Variants in ITPRIP observed in about 807,000 individuals in gnomAD.
ITPRIP encodes inositol 1,4,5-trisphosphate receptor interacting protein.
In ITPRIP, 32 loss-of-function variants were observed where a neutral mutation model predicts 35.8. The observed-to-expected ratio is 0.89, with a 90% CI of 0.68 to 1.20. The LOEUF is 1.20. Among genes scored for constraint, ITPRIP ranks in the 50% most tolerant of loss-of-function variants. ITPRIP has a pLI of 0.00. For synonymous variants in ITPRIP, 358 were observed against 324.0 expected (o/e 1.11, Z -1.13); for missense variants, 653 against 735.6 (o/e 0.89, Z 1.30).
intron 1 of ITPRIP, among the ~76,000 whole-genome samples, chr10:104,330,407 C>T (rs1029113263): frequency 2.0e-5 from 3 of 152,218 alleles, no homozygotes; most frequent in Admixed American, 6.5e-5. Context: ...GCCCTGGAGA[C>T]AGAGACGGTT....
chr10:104,317,548 T>C (rs1478783764), intron 1 of ITPRIP, among the ~76,000 whole-genome samples: 1 of 152,220 alleles, frequency 6.6e-6, no homozygotes, highest in Non-Finnish European at 1.5e-5. Context: ...CTTAACAATC[T>C]GCTATTTCCA....
chr10:104,319,723 C>T lies in ITPRIP; in HGVS notation c.-13-3659G>A, dbSNP rs555571945. On this transcript the variant is annotated intron_variant, in intron 1 of 1. Coordinates refer to ENST00000337478, the MANE Select transcript of ITPRIP (RefSeq NM_001272013.2). ...TTCAGTTTGAAGCCTCTGGTACTTC[C>T]CCTTCCCAAACCCAGTCACAGGAAA... Among the ~76,000 whole-genome samples, 7 of 152,148 alleles carry T rather than the reference C, an allele frequency of 4.6e-5. No individual in the cohort carries two copies. In the South Asian group the frequency reaches 1.5e-3, roughly 32 times the overall value.
rs778615919 is a variant in ITPRIP, at chr10:104,315,821, C to T, written c.231G>A (p.Arg77=). ...EALEQVAEEG[R]QQNETRVAWD... ...AGGCCACGCGTGTCTCGTTCTGCTG[C>T]CTGCCCTCCTCCGCCACCTGCTCCA... Residue 77 remains arginine (R), a synonymous_variant, in exon 2 of 2, where the codon AGG becomes AGA. Transcript: ENST00000337478. This position sits in a 1 kb window ranked among gnomAD's most constrained non-coding sequence, Gnocchi z 5.7. 5.0e-6 allele frequency: 8 copies of T among 1,613,072 alleles called. No individual in the cohort carries two copies. The highest frequency in any genetic ancestry group is 6.8e-6 in the Non-Finnish European group (8 of 1,179,378).
At chr10:104,337,919 T>C (rs1282412292) in intron 1 of ITPRIP, among the ~76,000 whole-genome samples, 1 of 152,166 alleles carries the variant, frequency 6.6e-6, no homozygotes, top group Non-Finnish European at 1.5e-5. Flanking sequence ...AACAAAAATG[T>C]GGTCCCGCTC....
intron 1 of ITPRIP, among the ~76,000 whole-genome samples, chr10:104,319,102 AG>A (rs1375120088): frequency 6.6e-6 from 1 of 152,370 alleles, no homozygotes; most frequent in Non-Finnish European, 1.5e-5. Flanking sequence ...CTGCAAGGAA[AG>A]GGGGCCTGGG....
Position 104,328,919 on chromosome 10 carries a change from C to G in ITPRIP, c.-14+9327G>C, listed in dbSNP as rs2014091064. 1 of 152,192 alleles carries G rather than the reference C, an allele frequency of 6.6e-6. No homozygotes were observed. The highest frequency in any genetic ancestry group is 1.5e-5 in the Non-Finnish European group (1 of 68,100). The allele number at this position is 152,192 out of a possible 1,614,324, so 9.4% of individuals were successfully genotyped here. On this transcript the variant is annotated intron_variant, in intron 1 of 1. Transcript: ENST00000337478. This position sits in a 1 kb window ranked among gnomAD's most constrained non-coding sequence, Gnocchi z 4.1. Reference sequence around the variant, plus strand: ...CCCACACAGTGAAAGAAATCCCAGACTGTTCTTCTACCCGAGTCCCCCTGC... The same window carrying G: ...CCCACACAGTGAAAGAAATCCCAGAGTGTTCTTCTACCCGAGTCCCCCTGC...
chr10:104,318,513 C>T (rs1589888918), intron 1 of ITPRIP, among the ~76,000 whole-genome samples: 1 of 152,278 alleles, frequency 6.6e-6, no homozygotes, highest in Non-Finnish European at 1.5e-5. Flanking sequence ...GTGAGTGGGG[C>T]CACGGCCAAG....
rs2014282634 is a variant in ITPRIP, at chr10:104,338,300, A to G, written c.-68T>C. 1.3e-5 allele frequency: 2 copies of G among 153,118 alleles called. No homozygotes were observed. The highest frequency in any genetic ancestry group is 1.3e-4 in the Admixed American group (2 of 15,310). The allele number at this position is 153,118 out of a possible 1,614,324, so 9.5% of individuals were successfully genotyped here. A position where few individuals can be genotyped will look rare whatever the true frequency, so the allele number is the denominator to read the frequency against. Reference sequence around the variant, plus strand: ...CGCCGCGGGAGGACGGCTCCAGCACAGGCTTTGCGCGCAGGTCGAGGGCCG... The same window carrying G: ...CGCCGCGGGAGGACGGCTCCAGCACGGGCTTTGCGCGCAGGTCGAGGGCCG... On this transcript the variant is annotated 5_prime_UTR_variant, in exon 1 of 2. Transcript: ENST00000337478.
chr10:104,309,780 T>C lies in ITPRIP; in HGVS notation c.*4628A>G, dbSNP rs1371633652. The C allele has an allele frequency of 6.6e-6, 1 of 151,498 alleles. No individual in the cohort carries two copies. Among genetic ancestry groups the C allele is most frequent in the African/African-American group, 2.4e-5 (1 of 41,176 alleles). The allele number at this position is 151,498 out of a possible 1,614,324, so 9.4% of individuals were successfully genotyped here. On this transcript the variant is annotated 3_prime_UTR_variant, in exon 2 of 2. Transcript: ENST00000337478. Reference sequence around the variant, plus strand: ...TACATGTGACACATACACAGAAAAATTTTGGAAGGATACACCAAAAACTTC... The same window carrying C: ...TACATGTGACACATACACAGAAAAACTTTGGAAGGATACACCAAAAACTTC...
At chr10:104,338,017 G>A (rs944446717) in intron 1 of ITPRIP, among the ~76,000 whole-genome samples, 9 of 152,124 alleles carry the variant, frequency 5.9e-5, no homozygotes, top group African/African-American at 1.7e-4. Context: ...CCGACGCGGC[G>A]GGAACAGGAT....
rs755382505 is a variant in ITPRIP at position 104,312,049 on chromosome 10, C to CA, written c.*2358dup. 11 of 152,196 alleles carry CA rather than the reference C, an allele frequency of 7.2e-5. No individual in the cohort carries two copies. The highest frequency in any genetic ancestry group is 1.2e-4 in the African/African-American group (5 of 41,446). 9.4% of individuals were successfully genotyped at this position (152,196 alleles called of 1,614,324 possible). ...AAGGGAGTGAAAGCTTCTGCTTTGT[C>CA]AATAGGAAATCCACCCCCCTGTCCC... On this transcript the variant is annotated 3_prime_UTR_variant, in exon 2 of 2. Transcript: ENST00000337478.
rs775648817 is a variant in ITPRIP at position 104,314,428 on chromosome 10, G to T, written c.1624C>A (p.Gln542Lys). 32 of 1,611,540 alleles carry T rather than the reference G, an allele frequency of 2.0e-5. No homozygotes were observed. The Admixed American group carries it at 5.2e-4, about 26-fold the overall frequency. The change falls in exon 2 of 2, where the codon CAG (glutamine) becomes AAG (lysine). Residue 542 changes from glutamine (Q) to lysine (K), a missense_variant. Gln to Lys is a moderately conservative substitution (Grantham distance 53). Coordinates refer to ENST00000337478, the MANE Select transcript of ITPRIP (RefSeq NM_001272013.2). ...AGACGTCAGCTTTTTGGGGTAGGCT[G>T]GTCTGAGGGGACATGTAGGGAATAC... is the stretch of plus-strand genomic sequence containing the variant. ...SEYSLHVPSD[Q>K]PTPKS
rs72825852 is a variant in ITPRIP at position 104,310,289 on chromosome 10, G to A, written c.*4119C>T. The A allele has an allele frequency of 0.1, 15,475 of 152,208 alleles. 1,103 individuals carry two copies. Among genetic ancestry groups the A allele is most frequent in the Non-Finnish European group, 0.16 (10,566 of 68,034 alleles). The allele number at this position is 152,208 out of a possible 1,614,324, so 9.4% of individuals were successfully genotyped here. On this transcript the variant is annotated 3_prime_UTR_variant, in exon 2 of 2. Coordinates refer to ENST00000337478, the MANE Select transcript of ITPRIP (RefSeq NM_001272013.2). ...CGGGAAGCCGGCCATGTACCCTACA[G>A]CACAGGACATGGATGGCACTGATCA...
At chr10:104,319,364 C>T (rs2013783620) in intron 1 of ITPRIP, among the ~76,000 whole-genome samples, 1 of 152,156 alleles carries the variant, frequency 6.6e-6, no homozygotes, top group Non-Finnish European at 1.5e-5. Context: ...CTGCCTGAGC[C>T]CCAGGCATGG....
intron 1 of ITPRIP, among the ~76,000 whole-genome samples, chr10:104,317,666 C>T (rs1280394750): frequency 6.6e-6 from 1 of 152,216 alleles, no homozygotes; most frequent in Non-Finnish European, 1.5e-5. Context: ...GCTCCTTCTA[C>T]CACCCCCTAG....
intron 1 of ITPRIP, among the ~76,000 whole-genome samples, chr10:104,329,403 A>C (rs2014104076): frequency 6.6e-6 from 1 of 152,184 alleles, no homozygotes; most frequent in African/African-American, 2.4e-5. Context: ...TACGGATTGC[A>C]CAAAACAACC....
In ITPRIP at chr10:104,314,127, C is replaced by G; in HGVS notation, c.*281G>C. Reference sequence around the variant, plus strand: ...CAGGGTCCACAGCGTGTTCTGCCACCATCTTGGCCATTCATGGTGATCCAG... The same window carrying G: ...CAGGGTCCACAGCGTGTTCTGCCACGATCTTGGCCATTCATGGTGATCCAG... On this transcript the variant is annotated 3_prime_UTR_variant, in exon 2 of 2. Transcript: ENST00000337478. 1 of 1,219,918 alleles carries G rather than the reference C, an allele frequency of 8.2e-7. No homozygotes were observed. Among genetic ancestry groups the G allele is most frequent in the Non-Finnish European group, 1.0e-6 (1 of 975,760 alleles). The allele number at this position is 1,219,918 out of a possible 1,614,324, so 75.6% of individuals were successfully genotyped here.
intron 1 of ITPRIP, among the ~76,000 whole-genome samples, chr10:104,334,943 C>T (rs1347153775): frequency 1.3e-5 from 2 of 152,246 alleles, no homozygotes; most frequent in Non-Finnish European, 2.9e-5. Flanking sequence ...CTGATTCGTA[C>T]ACCCTCTTCT....
At position 104,314,747 on chromosome 10, in the gene ITPRIP, C is replaced by G; in HGVS notation, c.1305G>C (p.Thr435=). Reference sequence around the variant, plus strand: ...GGAGGAGTAGGAGGTGCAGTAGGGCCGTCTTCAGGTGGTAGCTGCTGAGCC... The same window carrying G: ...GGAGGAGTAGGAGGTGCAGTAGGGCGGTCTTCAGGTGGTAGCTGCTGAGCC... ...PSGLSSYHLK[T]ALLHLLLLRQ... Residue 435 remains threonine (T), a synonymous_variant, in exon 2 of 2, where the codon ACG becomes ACC. Coordinates refer to ENST00000337478, the MANE Select transcript of ITPRIP (RefSeq NM_001272013.2). 2 of 1,613,834 alleles carry G rather than the reference C, an allele frequency of 1.2e-6. No individual in the cohort carries two copies. The highest frequency in any genetic ancestry group is 1.3e-5 in the African/African-American group (1 of 75,052).
Sources: gnomAD v4.1 joint callset for allele counts (sites outside exome capture counted in the v4.1 genomes callset) on GRCh38, gnomAD v4.1.1 for gene constraint, Gnocchi (gnomAD v3.1) non-coding constraint, MANE v1.5 for transcripts, NCBI Gene and HGNC (gene_info 2026-07-23, HGNC 2026-07-21) for gene names.